TRHDE: variants seen among roughly 807,000 people sequenced by gnomAD.
TRHDE encodes the protein thyrotropin-releasing hormone-degrading ectoenzyme.
A neutral mutation model predicts 125.7 loss-of-function variants in TRHDE; 72 were observed. The ratio of observed to expected loss-of-function variants is 0.57; its 90% CI spans 0.47 to 0.70. TRHDE has a LOEUF of 0.70. Among genes scored for constraint, TRHDE ranks in the 30% least tolerant of loss-of-function variants. The pLI, the probability that TRHDE is intolerant of heterozygous loss-of-function variation, is 0.00. For missense variants in TRHDE, 1,110 were observed against 1,327.1 expected (o/e 0.84, Z 2.54); for synonymous variants, 509 against 509.1 (o/e 1.00, Z 0.00).
At chr12:72,473,354 T>A (rs2135902695) in intron 5 of TRHDE, among the ~76,000 whole-genome samples, 174 bp downstream of exon 5, 1 of 152,296 alleles carries the variant, frequency 6.6e-6, no homozygotes, top group East Asian at 1.9e-4. Context: ...CTTTTACTTA[T>A]TAGGAACTAT....
intron 2 of TRHDE, among the ~76,000 whole-genome samples, chr12:72,144,500 T>C (rs1422118069): frequency 6.6e-6 from 1 of 152,270 alleles, no homozygotes; most frequent in Non-Finnish European, 1.5e-5. Flanking sequence ...TTTAGCTTTC[T>C]CTTTCCATGG....
chr12:72,178,015 T>C (rs185165285), intron 2 of TRHDE, among the ~76,000 whole-genome samples: 1 of 152,298 alleles, frequency 6.6e-6, no homozygotes, highest in Non-Finnish European at 1.5e-5. Flanking sequence ...AAATAGTTTT[T>C]TAAAGATCAC....
At chr12:72,566,819 T>C (rs1474618182) in intron 9 of TRHDE, among the ~76,000 whole-genome samples, 2 of 152,030 alleles carry the variant, frequency 1.3e-5, no homozygotes, top group Admixed American at 6.5e-5. Flanking sequence ...GAAGTTAATC[T>C]GTCTTACCTA....
chr12:72,617,635 G>A (rs771664637), intron 12 of TRHDE, among the ~76,000 whole-genome samples: 1 of 148,860 alleles, frequency 6.7e-6, no homozygotes, highest in African/African-American at 2.6e-5. Flanking sequence ...TTGATTTGTC[G>A]TAGTCTGTTT....
At chr12:72,132,541 T>G (rs986212151) in intron 2 of TRHDE, among the ~76,000 whole-genome samples, 1 of 152,122 alleles carries the variant, frequency 6.6e-6, no homozygotes, top group Non-Finnish European at 1.5e-5. Context: ...CTAATGTGAG[T>G]GAATCTGACC....
intron 3 of TRHDE, among the ~76,000 whole-genome samples, chr12:72,435,048 A>C (rs570676320): frequency 6.6e-6 from 1 of 152,358 alleles, no homozygotes; most frequent in South Asian, 2.1e-4. Flanking sequence ...CTGTAAAGGG[A>C]AAATTTCTTC....
At chr12:72,647,230 A>G (rs994865188) in intron 15 of TRHDE, among the ~76,000 whole-genome samples, 2 of 152,102 alleles carry the variant, frequency 1.3e-5, no homozygotes, top group African/African-American at 4.8e-5. Flanking sequence ...CAATTGAGTC[A>G]AGAAGAAATC....
chr12:72,601,195 G>C (rs1872191117), intron 12 of TRHDE, among the ~76,000 whole-genome samples: 1 of 152,060 alleles, frequency 6.6e-6, no homozygotes, highest in Admixed American at 6.5e-5. Context: ...GGATGACTTT[G>C]ATAGGTTTAA....
At chr12:72,169,915 C>T (rs922246587) in intron 2 of TRHDE, among the ~76,000 whole-genome samples, 1 of 152,082 alleles carries the variant, frequency 6.6e-6, no homozygotes, top group South Asian at 2.1e-4. Context: ...TGGAATCACT[C>T]GGACTTTGGG....
intron 2 of TRHDE, among the ~76,000 whole-genome samples, chr12:72,305,694 G>A (rs1032192847): frequency 1.3e-5 from 2 of 152,190 alleles, no homozygotes; most frequent in Non-Finnish European, 2.9e-5. Context: ...AAGCCGGCAA[G>A]ACAAAACAAA....
chr12:72,401,619 G>A (rs1344090472), intron 3 of TRHDE, among the ~76,000 whole-genome samples: 1 of 152,124 alleles, frequency 6.6e-6, no homozygotes, highest in Non-Finnish European at 1.5e-5. Flanking sequence ...AATAAGAAAT[G>A]TTTGAACCTT....
intron 15 of TRHDE, among the ~76,000 whole-genome samples, chr12:72,646,599 C>T (rs558206952): frequency 1.3e-5 from 2 of 152,104 alleles, no homozygotes; most frequent in African/African-American, 4.8e-5. Flanking sequence ...CTCACTTTAG[C>T]TTTAAGGACA....
intron 2 of TRHDE, among the ~76,000 whole-genome samples, chr12:72,203,626 C>T (rs1402432820): frequency 6.6e-6 from 1 of 152,158 alleles, no homozygotes; most frequent in Non-Finnish European, 1.5e-5. Context: ...GTTCTGAACA[C>T]CACACACCAG....
At chr12:72,159,293 A>G (rs1876585792) in intron 2 of TRHDE, among the ~76,000 whole-genome samples, 1 of 152,232 alleles carries the variant, frequency 6.6e-6, no homozygotes, top group Non-Finnish European at 1.5e-5. Flanking sequence ...AGAAACACAT[A>G]CTTAGAGTAC....
At chr12:72,306,116 T>C (rs1375182264) in intron 2 of TRHDE, among the ~76,000 whole-genome samples, 2 of 152,234 alleles carry the variant, frequency 1.3e-5, no homozygotes, top group Non-Finnish European at 2.9e-5. Flanking sequence ...TGCTGGTGGA[T>C]ATCAAATCGA....
In TRHDE at chr12:72,218,048, T is replaced by G. The variant is rs149752475; in HGVS notation, n.279+112296T>G. Among the ~76,000 whole-genome samples the G allele has an allele frequency of 3.8e-3, 585 of 152,270 alleles. 6 individuals are homozygous for G. Among genetic ancestry groups the G allele is most frequent in the African/African-American group, 0.013 (543 of 41,574 alleles). ...TATATCAATAGGCTTGAATTTTACT[T>G]TCATTCATGGTCATTCATTTATTGG... On this transcript the variant is annotated intron_variant and non_coding_transcript_variant, in intron 2 of 4. Transcript: ENST00000548156.
chr12:72,200,814 A>G (rs1001945636), intron 2 of TRHDE, among the ~76,000 whole-genome samples: 2 of 152,180 alleles, frequency 1.3e-5, no homozygotes, highest in Non-Finnish European at 1.5e-5. Context: ...ACAAAAAAGT[A>G]AACAAGCTTA....
chr12:72,208,058 G>A (rs1877704573), intron 2 of TRHDE, among the ~76,000 whole-genome samples: 1 of 152,094 alleles, frequency 6.6e-6, no homozygotes, highest in Non-Finnish European at 1.5e-5. Context: ...TTTAGCGCTT[G>A]GGCTTTACTA....
chr12:72,231,015 T>A (rs1878235999), intron 2 of TRHDE, among the ~76,000 whole-genome samples: 1 of 152,218 alleles, frequency 6.6e-6, no homozygotes, highest in Admixed American at 6.5e-5. Context: ...AATGATGTTG[T>A]CATTTTGGAA....
Sources: allele counts gnomAD v4.1 joint callset (sites outside exome capture counted in the v4.1 genomes callset), GRCh38; gene constraint gnomAD v4.1.1; transcripts MANE v1.5; gene names NCBI Gene and HGNC (gene_info 2026-07-23, HGNC 2026-07-21).